PDE4D: variants seen among roughly 807,000 people sequenced by gnomAD.
PDE4D encodes phosphodiesterase 4D, also known as 3',5'-cyclic-AMP phosphodiesterase 4D.
PDE4D carries 24 observed loss-of-function variants against 87.4 expected under a neutral mutation model. The ratio of observed to expected loss-of-function variants is 0.27; its 90% CI spans 0.20 to 0.39. The LOEUF (loss-of-function observed/expected upper bound fraction) is 0.39, where lower values mean the gene tolerates loss of function less well. PDE4D is among the 10% of genes least tolerant of loss of function. The pLI is 1.00. For synonymous variants in PDE4D, 384 were observed against 383.2 expected (o/e 1.00, Z -0.02); for missense variants, 714 against 1,041.0 (o/e 0.69, Z 4.32).
intron 3 of PDE4D, among the ~76,000 whole-genome samples, chr5:59,962,463 A>T (rs777720007): frequency 1.3e-5 from 2 of 152,174 alleles, no homozygotes; most frequent in African/African-American, 2.4e-5. Flanking sequence ...TAGTCAACAT[A>T]CACACCCACA....
intron 1 of PDE4D, among the ~76,000 whole-genome samples, chr5:59,563,359 G>T (rs1820370887): frequency 6.6e-6 from 1 of 152,192 alleles, no homozygotes; most frequent in South Asian, 2.1e-4. Flanking sequence ...GCAAATAAAA[G>T]CCCACACTAG....
intron 1 of PDE4D, among the ~76,000 whole-genome samples, chr5:59,316,271 C>T (rs1340488131): frequency 6.6e-6 from 1 of 152,074 alleles, no homozygotes; most frequent in Non-Finnish European, 1.5e-5. Context: ...CATGAAATTT[C>T]AAAAATGACA....
intron 1 of PDE4D, among the ~76,000 whole-genome samples, chr5:60,286,168 T>C (rs1310624988): frequency 1.3e-5 from 2 of 152,154 alleles, no homozygotes; most frequent in African/African-American, 4.8e-5. Flanking sequence ...ATAATTCTTA[T>C]AAGTGCCACA....
intron 1 of PDE4D, among the ~76,000 whole-genome samples, chr5:59,761,051 T>C (rs1445374202): frequency 2.6e-5 from 4 of 152,232 alleles, no homozygotes; most frequent in Non-Finnish European, 5.9e-5. Context: ...CAAACCTAGA[T>C]GGTATAGCCT....
At chr5:59,574,075 TATATATATTTATATATATAA>T (rs1561240324) in intron 1 of PDE4D, among the ~76,000 whole-genome samples, 2 of 15,084 alleles carry the variant, frequency 1.3e-4, no homozygotes, top group African/African-American at 2.0e-4. Flanking sequence ...TATATATTTA[TATATATATTTATATATATAA>T]ATATATATTT....
chr5:60,358,141 C>T (rs1276387401), intron 1 of PDE4D, among the ~76,000 whole-genome samples: 1 of 152,136 alleles, frequency 6.6e-6, no homozygotes, highest in African/African-American at 2.4e-5. Context: ...CAGATTTGAC[C>T]ACTCTGCTAT....
intron 3 of PDE4D, among the ~76,000 whole-genome samples, chr5:59,969,758 T>C (rs866694285): frequency 6.6e-6 from 1 of 152,174 alleles, no homozygotes; most frequent in Non-Finnish European, 1.5e-5. Context: ...TGCTCTGCAG[T>C]TCTCCTTGCT....
chr5:59,402,089 A>G (rs1455290650), intron 1 of PDE4D, among the ~76,000 whole-genome samples: 1 of 152,238 alleles, frequency 6.6e-6, no homozygotes, highest in African/African-American at 2.4e-5. Context: ...TCTCCAGGCT[A>G]TGCACAGAAA....
intron 1 of PDE4D, among the ~76,000 whole-genome samples, chr5:59,253,818 C>T (rs1236672883): frequency 1.3e-5 from 2 of 152,008 alleles, no homozygotes; most frequent in Non-Finnish European, 1.5e-5. Flanking sequence ...CTATGGCACC[C>T]TAGAAGGAAT....
At chr5:59,367,580 A>T (rs1290226605) in intron 1 of PDE4D, among the ~76,000 whole-genome samples, 1 of 152,226 alleles carries the variant, frequency 6.6e-6, no homozygotes, top group Non-Finnish European at 1.5e-5. Context: ...TATTAAATTA[A>T]AGATGTCTCA....
intron 1 of PDE4D, among the ~76,000 whole-genome samples, chr5:59,255,376 C>T (rs193154011): frequency 4.6e-5 from 7 of 151,920 alleles, no homozygotes; most frequent in Admixed American, 3.9e-4. Context: ...AGGAAAAAAA[C>T]GTAGATTAGC....
At chr5:60,235,588 G>A (rs1048204943) in intron 1 of PDE4D, among the ~76,000 whole-genome samples, 3 of 151,588 alleles carry the variant, frequency 2.0e-5, no homozygotes, top group Non-Finnish European at 4.4e-5. Flanking sequence ...CATACTATGT[G>A]AGCATGCAAA....
chr5:60,093,318 G>A (rs1254457539), intron 2 of PDE4D, among the ~76,000 whole-genome samples: 1 of 152,194 alleles, frequency 6.6e-6, no homozygotes, highest in Non-Finnish European at 1.5e-5. Flanking sequence ...TGGACACCAT[G>A]TTGTTCTGGG....
intron 2 of PDE4D, among the ~76,000 whole-genome samples, chr5:60,030,287 A>G (rs561355399): frequency 3.2e-4 from 48 of 152,012 alleles, no homozygotes; most frequent in Middle Eastern, 6.8e-3. Context: ...CGTCTCTACT[A>G]AAAATACAAA....
intron 1 of PDE4D, among the ~76,000 whole-genome samples, chr5:60,310,326 A>G (rs1040218149): frequency 6.6e-6 from 1 of 152,226 alleles, no homozygotes; most frequent in Non-Finnish European, 1.5e-5. Context: ...AATAAAAATC[A>G]AGAATGTTTG....
intron 1 of PDE4D, among the ~76,000 whole-genome samples, chr5:59,427,786 C>T (rs962827248): frequency 1.3e-5 from 2 of 149,646 alleles, no homozygotes; most frequent in Non-Finnish European, 3.0e-5. Flanking sequence ...CTACTGCACT[C>T]CAGTCTGGCC....
At chr5:59,266,484 T>C (rs923961780) in intron 1 of PDE4D, among the ~76,000 whole-genome samples, 7 of 151,920 alleles carry the variant, frequency 4.6e-5, no homozygotes, top group African/African-American at 1.7e-4. Flanking sequence ...TGCTACTAAC[T>C]GGTCAAATGC....
chr5:59,821,283 A>G (rs929358403), intron 1 of PDE4D, among the ~76,000 whole-genome samples: 3 of 151,874 alleles, frequency 2.0e-5, no homozygotes, highest in Admixed American at 6.6e-5. Context: ...ACAAAAGAAA[A>G]AGAAATAGAA....
intron 1 of PDE4D, among the ~76,000 whole-genome samples, chr5:59,780,941 T>A (rs1027188717): frequency 1.3e-5 from 2 of 151,508 alleles, no homozygotes; most frequent in Non-Finnish European, 2.9e-5. Flanking sequence ...CTGAGGAGGG[T>A]GGATCACCTG....
Sources: allele counts gnomAD v4.1 joint callset (sites outside exome capture counted in the v4.1 genomes callset), GRCh38; gene constraint gnomAD v4.1.1; transcripts MANE v1.5; gene names NCBI Gene and HGNC (gene_info 2026-07-23, HGNC 2026-07-21).